CEP78: variants seen among roughly 807,000 people sequenced by gnomAD.
The protein encoded by CEP78 is centrosomal protein of 78 kDa.
Under a neutral mutation model 81.2 loss-of-function variants are expected in CEP78, and 76 were observed. The ratio of observed to expected loss-of-function variants is 0.94; its 90% confidence interval spans 0.78 to 1.13. The LOEUF is 1.13. Ranked by LOEUF, CEP78 falls within the 50% of genes most tolerant of loss-of-function variation. CEP78 has a pLI of 0.00. For synonymous variants in CEP78, 293 were observed against 301.4 expected, an observed-to-expected ratio of 0.97 and a Z score of 0.29; for missense variants, 918 against 846.8, an observed-to-expected ratio of 1.08 and a Z score of -1.04.
In CEP78 at chr9:78,251,927, T is replaced by C. The variant is rs1328881933; in HGVS notation, c.1089T>C (p.Pro363=). The change falls in exon 9 of 17, where the codon CCT becomes CCC. Residue 363 remains proline (P), a synonymous_variant. Coordinates refer to ENST00000643273, the MANE Select transcript of CEP78 (RefSeq NM_001330691.3). ...AAGTAGGATTGGCTACAAAGAAACC[T>C]GTAAGTAGTGGCAGAAAACACTCCC... is the stretch of plus-strand genomic sequence containing the variant. ...TIRIGLATKK[P]VSSGRKHSLG... 6.8e-6 allele frequency: 11 copies of C among 1,608,578 alleles called. No homozygotes were observed. The highest frequency in any genetic ancestry group is 1.7e-5 in the Admixed American group (1 of 59,776).
intron 11 of CEP78, among the ~76,000 whole-genome samples, chr9:78,259,508 A>ATGG (rs1264048731): frequency 6.6e-6 from 1 of 152,196 alleles, no homozygotes; most frequent in African/African-American, 2.4e-5. Context: ...GCTTAAAGAA[A>ATGG]TGGTTGCCTC....
chr9:78,240,071 A>G lies in CEP78; in HGVS notation c.302A>G (p.Tyr101Cys). The change falls in exon 2 of 17, where the codon TAC (tyrosine) becomes TGC (cysteine). Residue 101 changes from tyrosine (Y) to cysteine (C), a missense_variant. Tyr to Cys is a radical substitution (Grantham distance 194). Transcript: ENST00000643273. ...FCRSRVPAIR[Y>C]KDVTFQLCKA... ...AGAAGTCGTGTTCCTGCGATAAGAT[A>G]CAAAGATGTGACCTTCCAGTTGTGT... 6.3e-7 allele frequency: 1 copy of G among 1,584,986 alleles called. No individual in the cohort carries two copies. Among genetic ancestry groups the G allele is most frequent in the South Asian group, 1.2e-5 (1 of 84,798 alleles).
At position 78,274,574 on chromosome 9, in the gene CEP78, C is replaced by A. The variant is rs185721196; in HGVS notation, c.*3723C>A. ...CCATTGAACATAAATATTTTGTATC[C>A]ATGATGAATACAAAGTATATTCTCC... On this transcript the variant is annotated 3_prime_UTR_variant, in exon 17 of 17. Transcript: ENST00000643273. 182 of 152,114 alleles carry A rather than the reference C, an allele frequency of 1.2e-3. 1 individual carries two copies. Among genetic ancestry groups the A allele is most frequent in the African/African-American group, 4.3e-3 (177 of 41,504 alleles). The allele number at this position is 152,114 out of a possible 1,614,324, so 9.4% of individuals were successfully genotyped here.
chr9:78,241,662 A>T (rs759027765), intron 3 of CEP78, 34 bp from the exon 4 acceptor site: 6 of 1,018,980 alleles, frequency 5.9e-6, no homozygotes, highest in Non-Finnish European at 9.1e-6. Flanking sequence ...TATGCTCTTC[A>T]TCTTATTGTA....
Position 78,236,378 on chromosome 9 carries a change from G to A in CEP78, c.28G>A (p.Asp10Asn), listed in dbSNP as rs1256439873. MIDSVKLRR[D>N]SAADFFSHYE... ...GATCGACTCCGTGAAGCTGCGCCGC[G>A]ACAGCGCGGCGGACTTCTTCTCCCA... The change falls in exon 1 of 17, where the codon GAC (aspartate) becomes AAC (asparagine). Residue 10 changes from aspartate to asparagine, a missense_variant. Transcript: ENST00000643273. The A allele has an allele frequency of 1.3e-6, 2 of 1,587,700 alleles. No individual in the cohort carries two copies. Among genetic ancestry groups the A allele is most frequent in the South Asian group, 1.1e-5 (1 of 87,952 alleles).
At chr9:78,265,229 AGGGATGGGGGTGTAGTCT>A in intron 13 of CEP78, 125 bp from the exon 14 acceptor site, 1 of 594,340 alleles carries the variant, frequency 1.7e-6, no homozygotes, top group Admixed American at 3.4e-5. Context: ...AGAAATTGGG[AGGGATGGGGGTGTAGTCT>A]GGAGTAGGAT....
At chr9:78,245,268 A>G (rs1001654585) in intron 5 of CEP78, among the ~76,000 whole-genome samples, 1 of 152,268 alleles carries the variant, frequency 6.6e-6, no homozygotes, top group East Asian at 1.9e-4. Flanking sequence ...GAAGACATTC[A>G]TTTCTCACAG....
intron 5 of CEP78, among the ~76,000 whole-genome samples, chr9:78,244,833 C>A (rs536208473): frequency 3.3e-5 from 5 of 152,070 alleles, no homozygotes; most frequent in Non-Finnish European, 4.4e-5. Context: ...TACTTTGATA[C>A]GTGTTGTTGC....
chr9:78,251,464 T>C (rs1826755296), intron 8 of CEP78, among the ~76,000 whole-genome samples: 1 of 152,212 alleles, frequency 6.6e-6, no homozygotes, highest in Non-Finnish European at 1.5e-5. Flanking sequence ...GTAGGAGTCA[T>C]GGGTGTATCT....
At position 78,270,826 on chromosome 9, in the gene CEP78, C is replaced by CT; in HGVS notation, c.2108-11dup. Reference sequence around the variant, plus strand: ...ATTAACATGGATGACTGAACACATTCTTTTATGCTTCTAGAATCCCATTGA... The same window carrying CT: ...ATTAACATGGATGACTGAACACATTCTTTTTATGCTTCTAGAATCCCATTGA... On this transcript the variant is annotated splice_polypyrimidine_tract_variant and intron_variant, in intron 16 of 16. Coordinates refer to ENST00000643273, the MANE Select transcript of CEP78 (RefSeq NM_001330691.3). 1 of 689,064 alleles carries CT rather than the reference C, an allele frequency of 1.5e-6. No individual in the cohort carries two copies. The allele number at this position is 689,064 out of a possible 1,614,324, so 42.7% of individuals were successfully genotyped here. A position where few individuals can be genotyped will look rare whatever the true frequency, so the allele number is the denominator to read the frequency against.
chr9:78,236,478 T>G lies in CEP78; in HGVS notation c.128T>G (p.Leu43Arg), dbSNP rs1587542147. ...AVRACLREGV[L>R]DFNADRLRGV... ...CGCGCCTGTCTCCGGGAGGGCGTGC[T>G]GGATTTCAACGCCGACCGCCTCCGC... Residue 43 changes from leucine (L) to arginine (R), a missense_variant, in exon 1 of 17, where the codon CTG (leucine) becomes CGG (arginine). By Grantham distance (102) the Leu-to-Arg change is moderately radical. Transcript: ENST00000643273. The G allele has an allele frequency of 6.2e-7, 1 of 1,607,508 alleles. No individual in the cohort carries two copies. The highest frequency in any genetic ancestry group is 8.5e-7 in the Non-Finnish European group (1 of 1,177,144).
chr9:78,255,650 T>A (rs930007814), intron 11 of CEP78, among the ~76,000 whole-genome samples: 1 of 152,176 alleles, frequency 6.6e-6, no homozygotes. Context: ...TTTCATTTTT[T>A]AAATTAAAAT....
chr9:78,269,847 A>C (rs539784626), intron 16 of CEP78, among the ~76,000 whole-genome samples: 3 of 152,342 alleles, frequency 2.0e-5, no homozygotes, highest in African/African-American at 7.2e-5. Context: ...AGGTGAAAGG[A>C]AAGAACCAAG....
intron 6 of CEP78, among the ~76,000 whole-genome samples, chr9:78,247,836 A>G (rs1826568124): frequency 1.3e-5 from 2 of 152,118 alleles, no homozygotes; most frequent in Admixed American, 1.3e-4. Context: ...GGAAATAGTA[A>G]TTTTTTTAAA....
At chr9:78,246,893 T>A in intron 6 of CEP78, 111 bp downstream of exon 6, 1 of 573,670 alleles carries the variant, frequency 1.7e-6, no homozygotes, top group Non-Finnish European at 3.0e-6. Context: ...ATCTTACACT[T>A]TTGTAATCTT....
At chr9:78,248,591 C>G (rs968864781) in intron 7 of CEP78, among the ~76,000 whole-genome samples, 171 bp from the exon 8 acceptor site, 13 of 152,122 alleles carry the variant, frequency 8.5e-5, no homozygotes, top group South Asian at 2.1e-4. Flanking sequence ...ACAGTCAAAT[C>G]AAATGTCTTT....
chr9:78,240,225 AT>A lies in CEP78; in HGVS notation c.426+33del, dbSNP rs747694401. 33 of 1,612,944 alleles carry A rather than the reference AT, an allele frequency of 2.0e-5. No homozygotes were observed. The East Asian group carries it at 3.6e-4, about 17-fold the overall frequency. On this transcript the variant is annotated intron_variant, in intron 2 of 16. Coordinates refer to ENST00000643273, the MANE Select transcript of CEP78 (RefSeq NM_001330691.3). Reference sequence around the variant, plus strand: ...GCTTTGTCTCATTTGGCTTGTAGACATTTGATAGTTGCTTTTAGAGGAAAAA... The same window carrying A: ...GCTTTGTCTCATTTGGCTTGTAGACATTGATAGTTGCTTTTAGAGGAAAAA...
chr9:78,257,950 T>G (rs1827115695), intron 11 of CEP78, among the ~76,000 whole-genome samples: 1 of 152,196 alleles, frequency 6.6e-6, no homozygotes. Context: ...TAGAAGGCGG[T>G]GTAACCTGTA....
rs1455138601 is a variant in CEP78 at position 78,271,082 on chromosome 9, C to T, written c.*231C>T. ...GCTCTGACCCAAGAAATGCTGGGAT[C>T]GGAGAATAAGGGAATTATCCAAAAT... On this transcript the variant is annotated 3_prime_UTR_variant, in exon 17 of 17. Coordinates refer to ENST00000643273, the MANE Select transcript of CEP78 (RefSeq NM_001330691.3). 2.3e-6 allele frequency: 1 copy of T among 436,698 alleles called. No homozygotes were observed. Among genetic ancestry groups the T allele is most frequent in the Non-Finnish European group, 4.0e-6 (1 of 248,430 alleles). 27.1% of individuals were successfully genotyped at this position (436,698 alleles called of 1,614,324 possible). A position where few individuals can be genotyped will look rare whatever the true frequency, so the allele number is the denominator to read the frequency against.
Sources: allele counts gnomAD v4.1 joint callset (sites outside exome capture counted in the v4.1 genomes callset), GRCh38; gene constraint gnomAD v4.1.1; transcripts MANE v1.5; gene names NCBI Gene and HGNC (gene_info 2026-07-23, HGNC 2026-07-21).